Variants in NTRK3 observed in about 807,000 individuals in gnomAD.
The protein encoded by NTRK3 is neurotrophic receptor tyrosine kinase 3, also known as NT-3 growth factor receptor.
In NTRK3, 24 loss-of-function variants were observed where a neutral mutation model predicts 91.7. That is an observed-to-expected ratio of 0.26 (90% CI 0.19 to 0.37). NTRK3 has a LOEUF of 0.37. Among genes scored for constraint, NTRK3 ranks in the 10% least tolerant of loss-of-function variants. The pLI is 1.00. For missense variants in NTRK3, 880 were observed against 1,068.9 expected (o/e 0.82, Z 2.46); for synonymous variants, 483 against 404.0 (o/e 1.20, Z -2.34).
intron 13 of NTRK3, among the ~76,000 whole-genome samples, chr15:88,063,649 C>A (rs918140077): frequency 2.6e-5 from 4 of 152,214 alleles, no homozygotes; most frequent in African/African-American, 7.2e-5. Context: ...GTAGCTAGAA[C>A]TGAGCACTGA....
At chr15:87,874,008 C>G (rs1413878368) in exon 19 of NTRK3, 1 of 228,312 alleles carries the variant, frequency 4.4e-6, no homozygotes, top group Non-Finnish European at 8.7e-6. Context: ...GAACTCAGAG[C>G]TAGAAGGGGC....
chr15:87,988,568 C>G (rs558305910), intron 14 of NTRK3, among the ~76,000 whole-genome samples: 31 of 152,212 alleles, frequency 2.0e-4, no homozygotes, highest in African/African-American at 7.2e-4. Flanking sequence ...ATGTCTAAAG[C>G]TATTTTAAAA....
At chr15:88,056,923 C>A (rs1176900764) in intron 13 of NTRK3, among the ~76,000 whole-genome samples, 2 of 152,082 alleles carry the variant, frequency 1.3e-5, no homozygotes, top group South Asian at 2.1e-4. Flanking sequence ...GTAATCCCAG[C>A]ACTTTGGGAG....
intron 13 of NTRK3, among the ~76,000 whole-genome samples, chr15:88,090,267 C>A (rs958934242): frequency 6.6e-6 from 1 of 152,138 alleles, no homozygotes; most frequent in Non-Finnish European, 1.5e-5. Flanking sequence ...CTCCCCACCT[C>A]GGTCCCCACC....
At chr15:88,183,541 C>A in intron 4 of NTRK3, 52 bp from the exon 5 acceptor site, 1 of 1,542,346 alleles carries the variant, frequency 6.5e-7, no homozygotes, top group Middle Eastern at 1.7e-4. Context: ...AGAGGGATAT[C>A]TGCTCTGGGC....
At chr15:88,012,555 A>G (rs948602496) in intron 14 of NTRK3, among the ~76,000 whole-genome samples, 15 of 152,198 alleles carry the variant, frequency 9.9e-5, no homozygotes, top group African/African-American at 3.6e-4. Context: ...AAGTATTTCT[A>G]TATGTTCATA....
At chr15:88,093,918 T>C (rs182064962) in intron 13 of NTRK3, among the ~76,000 whole-genome samples, 1 of 152,276 alleles carries the variant, frequency 6.6e-6, no homozygotes, top group African/African-American at 2.4e-5. Context: ...CGAGGTGGTA[T>C]TGCCTTCCCC....
At chr15:88,031,587 A>T (rs1270226592) in intron 14 of NTRK3, among the ~76,000 whole-genome samples, 1 of 152,164 alleles carries the variant, frequency 6.6e-6, no homozygotes, top group African/African-American at 2.4e-5. Context: ...TCTGATACTG[A>T]CAGGGAGCAT....
At chr15:88,122,666 G>A (rs1315848700) in intron 13 of NTRK3, among the ~76,000 whole-genome samples, 1 of 152,006 alleles carries the variant, frequency 6.6e-6, no homozygotes, top group East Asian at 1.9e-4. Context: ...TTTCTCAGAA[G>A]GAAGTAAAGC....
chr15:88,127,078 T>A, intron 12 of NTRK3, 84 bp downstream of exon 12: 1 of 1,196,944 alleles, frequency 8.4e-7, no homozygotes, highest in Non-Finnish European at 1.2e-6. Flanking sequence ...AGTAAGATAA[T>A]ATTTGGAAAA....
At chr15:88,075,575 G>T (rs549795305) in intron 13 of NTRK3, among the ~76,000 whole-genome samples, 2 of 145,810 alleles carry the variant, frequency 1.4e-5, no homozygotes, top group South Asian at 4.2e-4. Context: ...GTCTCCAAAG[G>T]AGAAGTCTCC....
intron 14 of NTRK3, among the ~76,000 whole-genome samples, chr15:88,005,613 C>T (rs531494611): frequency 3.9e-5 from 6 of 152,270 alleles, no homozygotes; most frequent in East Asian, 3.9e-4. Flanking sequence ...CCTCAAATCT[C>T]TCCAAAGGAG....
chr15:87,876,784 C>A, exon 19 of NTRK3: 2 of 755,606 alleles, frequency 2.6e-6, no homozygotes, highest in Non-Finnish European at 2.1e-6. Flanking sequence ...TTTTTTTTTC[C>A]TTTTTTCAGT....
At chr15:88,118,438 T>C (rs746225218) in intron 13 of NTRK3, among the ~76,000 whole-genome samples, 1 of 152,132 alleles carries the variant, frequency 6.6e-6, no homozygotes, top group Non-Finnish European at 1.5e-5. Context: ...AAAAAACATT[T>C]GGAACAAAGA....
chr15:88,211,825 T>A lies in NTRK3; in HGVS notation c.249-27526A>T, dbSNP rs546712198. ...ATAGATCCTTCTATAAAAGATTGTGTGTGACATTGCAGAGGACATGTTCTT... is the reference window on the plus strand; with the variant it reads ...ATAGATCCTTCTATAAAAGATTGTGAGTGACATTGCAGAGGACATGTTCTT... On this transcript the variant is annotated intron_variant, in intron 3 of 18. Coordinates refer to ENST00000394480, the Ensembl canonical transcript of NTRK3. Among the ~76,000 whole-genome samples the A allele has an allele frequency of 3.3e-5, 5 of 152,350 alleles. No individual in the cohort carries two copies. The South Asian group carries it at 1.0e-3, about 32-fold the overall frequency.
chr15:88,173,514 AT>A (rs1387716667), intron 5 of NTRK3, among the ~76,000 whole-genome samples: 30 of 152,206 alleles, frequency 2.0e-4, no homozygotes, highest in African/African-American at 7.0e-4. Context: ...TCCATTCTCT[AT>A]GCTAAATACC....
chr15:88,091,724 G>A (rs1368725388), intron 13 of NTRK3, among the ~76,000 whole-genome samples: 1 of 152,160 alleles, frequency 6.6e-6, no homozygotes, highest in Middle Eastern at 3.2e-3. Context: ...GGTGGGAGAT[G>A]ACACACATCT....
intron 13 of NTRK3, among the ~76,000 whole-genome samples, chr15:88,114,305 A>T (rs960451170): frequency 6.6e-6 from 1 of 152,236 alleles, no homozygotes; most frequent in African/African-American, 2.4e-5. Flanking sequence ...GAAATTAAAA[A>T]AATCCCAAAT....
intron 3 of NTRK3, among the ~76,000 whole-genome samples, chr15:88,206,741 G>A (rs543304216): frequency 6.6e-6 from 1 of 151,186 alleles, no homozygotes; most frequent in African/African-American, 2.4e-5. Flanking sequence ...CCTTACAGTG[G>A]CCAGGCGGGC....
Sources: gnomAD v4.1 joint callset for allele counts (sites outside exome capture counted in the v4.1 genomes callset) on GRCh38, gnomAD v4.1.1 for gene constraint, MANE v1.5 for transcripts, NCBI Gene and HGNC (gene_info 2026-07-23, HGNC 2026-07-21) for gene names.